KCTD16: variants seen among roughly 807,000 people sequenced by gnomAD.
The protein encoded by KCTD16 is BTB/POZ domain-containing protein KCTD16.
A neutral mutation model predicts 33.2 loss-of-function variants in KCTD16; 13 were observed. That is an observed-to-expected ratio of 0.39 (90% CI 0.25 to 0.62). The LOEUF is 0.62. Among genes scored for constraint, KCTD16 ranks in the 20% least tolerant of loss-of-function variants. KCTD16 has a pLI of 0.50. For synonymous variants in KCTD16, 197 were observed against 195.3 expected, an observed-to-expected ratio of 1.01 and a Z score of -0.07; for missense variants, 441 against 525.1, an observed-to-expected ratio of 0.84 and a Z score of 1.57.
At chr5:144,265,763 A>G (rs1365457667) in intron 3 of KCTD16, among the ~76,000 whole-genome samples, 1 of 152,216 alleles carries the variant, frequency 6.6e-6, no homozygotes, top group African/African-American at 2.4e-5. Context: ...TAATATGCCA[A>G]TTCTAGTCCT....
intron 3 of KCTD16, among the ~76,000 whole-genome samples, chr5:144,316,826 C>CT (rs34796022): frequency 0.046 from 5,159 of 111,084 alleles, 276 homozygotes; most frequent in African/African-American, 0.1. Flanking sequence ...GCCAGCATCC[C>CT]TTTTTTTTTT....
chr5:144,207,363 C>T lies in KCTD16; in HGVS notation c.649C>T (p.Arg217Ter), dbSNP rs1440175116. 1 of 1,614,158 alleles carries T rather than the reference C, an allele frequency of 6.2e-7. No homozygotes were observed. Among genetic ancestry groups the T allele is most frequent in the Non-Finnish European group, 8.5e-7 (1 of 1,180,042 alleles). The change falls in exon 3 of 4, where the codon CGA becomes TGA. Residue 217 changes from arginine (R) to a stop codon, truncating the protein, a stop_gained. Coordinates refer to ENST00000512467, the MANE Select transcript of KCTD16 (RefSeq NM_020768.4). LOFTEE classifies it high-confidence loss of function. ...TTTGAATGAAAGCAGAGACCCTGAT[C>T]GAGCCCCAGAAAGATACACCTCCAG... The part of the protein sequence containing the change: ...ETLNESRDPD[R>*]APERYTSRFY...
At chr5:144,412,949 A>G (rs1201014110) in intron 3 of KCTD16, among the ~76,000 whole-genome samples, 7 of 152,182 alleles carry the variant, frequency 4.6e-5, no homozygotes, top group Non-Finnish European at 8.8e-5. Context: ...ATAGTTTATA[A>G]TACTTCATTG....
chr5:144,326,079 G>A (rs988701382), intron 3 of KCTD16, among the ~76,000 whole-genome samples: 9 of 152,112 alleles, frequency 5.9e-5, no homozygotes, highest in Non-Finnish European at 1.0e-4. Context: ...AATGTAAAAT[G>A]TCTTGTTTTC....
rs1481057523 is a variant in KCTD16 at position 144,482,978 on chromosome 5, T to A, written c.*8864T>A. On this transcript the variant is annotated 3_prime_UTR_variant, in exon 4 of 4. Coordinates refer to ENST00000512467, the MANE Select transcript of KCTD16 (RefSeq NM_020768.4). ...TCCACTAAAAGTGGATATATTTATT[T>A]ATGGTGCCGAGAACATTAACAAAAT... is the stretch of plus-strand genomic sequence containing the variant. 1 of 151,642 alleles carries A rather than the reference T, an allele frequency of 6.6e-6. No homozygotes were observed. Among genetic ancestry groups the A allele is most frequent in the African/African-American group, 2.4e-5 (1 of 41,354 alleles). 9.4% of individuals were successfully genotyped at this position (151,642 alleles called of 1,614,324 possible).
chr5:144,213,713 G>T (rs1480819830), intron 3 of KCTD16, among the ~76,000 whole-genome samples: 1 of 152,156 alleles, frequency 6.6e-6, no homozygotes, highest in Non-Finnish European at 1.5e-5. Context: ...TGGAGGCAAG[G>T]TAAGGGCATG....
At chr5:144,222,163 A>G (rs944574991) in intron 3 of KCTD16, among the ~76,000 whole-genome samples, 10 of 152,140 alleles carry the variant, frequency 6.6e-5, no homozygotes, top group African/African-American at 2.4e-4. Context: ...TCTGGGTATT[A>G]GCCTTTTGTC....
At chr5:144,345,136 C>T (rs1044932642) in intron 3 of KCTD16, among the ~76,000 whole-genome samples, 1 of 144,208 alleles carries the variant, frequency 6.9e-6, no homozygotes, top group African/African-American at 2.6e-5. Context: ...GTTCTCACTC[C>T]TAGGTGGGAA....
intron 3 of KCTD16, among the ~76,000 whole-genome samples, chr5:144,278,642 C>T (rs1332321555): frequency 2.0e-5 from 3 of 151,504 alleles, no homozygotes; most frequent in South Asian, 2.1e-4. Context: ...GGACTACAGG[C>T]GCCCGCCACC....
At chr5:144,289,733 A>C (rs910773942) in intron 3 of KCTD16, among the ~76,000 whole-genome samples, 57 of 152,288 alleles carry the variant, frequency 3.7e-4, no homozygotes, top group South Asian at 3.7e-3. Flanking sequence ...AAATCAGATA[A>C]GATAGAGGCA....
In KCTD16 at chr5:144,322,738, A is replaced by C. The variant is rs140380569; in HGVS notation, c.832+115192A>C. Among the ~76,000 whole-genome samples, 165 of 152,114 alleles carry C rather than the reference A, an allele frequency of 1.1e-3. 1 individual carries two copies. Among genetic ancestry groups the C allele is most frequent in the Middle Eastern group, 6.8e-3 (2 of 294 alleles). On this transcript the variant is annotated intron_variant, in intron 3 of 3. Transcript: ENST00000512467. ...GACATAAACTTTATTAAAAAAAAAA[A>C]AAACAAAAACTTCTGAACTCATGAG... is the stretch of plus-strand genomic sequence containing the variant.
At chr5:144,320,990 G>A (rs1393161304) in intron 3 of KCTD16, among the ~76,000 whole-genome samples, 2 of 151,996 alleles carry the variant, frequency 1.3e-5, no homozygotes, top group African/African-American at 4.8e-5. Context: ...TAAGTAGCTG[G>A]GATTACAGGC....
chr5:144,277,166 T>A (rs1204431277), intron 3 of KCTD16, among the ~76,000 whole-genome samples: 1 of 152,212 alleles, frequency 6.6e-6, no homozygotes, highest in Non-Finnish European at 1.5e-5. Context: ...AAAAGTTTGC[T>A]GTAGGGCAGA....
intron 3 of KCTD16, among the ~76,000 whole-genome samples, chr5:144,287,836 A>AT (rs1755789049): frequency 6.6e-6 from 1 of 151,988 alleles, no homozygotes; most frequent in African/African-American, 2.4e-5. Flanking sequence ...AGGTTTCACC[A>AT]TGTTGGCCAA....
At chr5:144,259,253 ATCTC>A (rs1754937113) in intron 3 of KCTD16, among the ~76,000 whole-genome samples, 1 of 120,726 alleles carries the variant, frequency 8.3e-6, no homozygotes, top group Non-Finnish European at 1.6e-5. Flanking sequence ...GCGAGACTCC[ATCTC>A]AAAAAAAAAA....
chr5:144,418,110 G>T (rs1355700453), intron 3 of KCTD16, among the ~76,000 whole-genome samples: 2 of 152,128 alleles, frequency 1.3e-5, no homozygotes, highest in African/African-American at 4.8e-5. Context: ...CCTCCTGGTG[G>T]GTTGGTAGGT....
At chr5:144,438,333 A>T (rs1298244992) in intron 3 of KCTD16, among the ~76,000 whole-genome samples, 2 of 152,254 alleles carry the variant, frequency 1.3e-5, no homozygotes, top group Non-Finnish European at 2.9e-5. Context: ...TGACTCACAC[A>T]TAGCTGAAAA....
chr5:144,323,782 T>G (rs772794016), intron 3 of KCTD16, among the ~76,000 whole-genome samples: 4 of 152,192 alleles, frequency 2.6e-5, no homozygotes, highest in Non-Finnish European at 5.9e-5. Context: ...ATCAATTTAG[T>G]GTACCAGTGT....
At chr5:144,345,564 A>C (rs1752774674) in intron 3 of KCTD16, among the ~76,000 whole-genome samples, 1 of 152,166 alleles carries the variant, frequency 6.6e-6, no homozygotes, top group Admixed American at 6.6e-5. Context: ...CCATTCACTC[A>C]GAAGATATTT....
Sources: allele counts gnomAD v4.1 joint callset (sites outside exome capture counted in the v4.1 genomes callset), GRCh38; gene constraint gnomAD v4.1.1; transcripts MANE v1.5; gene names NCBI Gene and HGNC (gene_info 2026-07-23, HGNC 2026-07-21).